Variants in NR3C2 observed in about 807,000 individuals in gnomAD.
The protein encoded by NR3C2 is nuclear receptor subfamily 3 group C member 2.
Under a neutral mutation model 86.4 loss-of-function variants are expected in NR3C2, and 15 were observed. The observed-to-expected ratio is 0.17, with a 90% CI of 0.12 to 0.27. The LOEUF is 0.27. Ranked by LOEUF, NR3C2 falls within the 10% of genes least tolerant of loss-of-function variation. The probability of loss-of-function intolerance (pLI) is 1.00; values close to 1 mark genes in which losing one functional copy is unlikely to be tolerated. For synonymous variants in NR3C2, 458 were observed against 450.5 expected, an observed-to-expected ratio of 1.02 and a Z score of -0.21; for missense variants, 960 against 1,195.6, an observed-to-expected ratio of 0.80 and a Z score of 2.91.
upstream of NR3C2, chr4:148,444,140 G>A (rs1750484440): frequency 1.0e-6 from 1 of 985,302 alleles, no homozygotes; most frequent in African/African-American, 1.7e-5. Context: ...GGAGCAAGGG[G>A]AGTCCCGGAC....
At chr4:148,189,889 C>T (rs1201292990) in intron 4 of NR3C2, among the ~76,000 whole-genome samples, 1 of 152,140 alleles carries the variant, frequency 6.6e-6, no homozygotes, top group Non-Finnish European at 1.5e-5. Flanking sequence ...TTAATATCTC[C>T]TATTTTGTTC....
chr4:148,150,884 C>T (rs554308898), intron 6 of NR3C2, among the ~76,000 whole-genome samples: 270 of 152,214 alleles, frequency 1.8e-3, no homozygotes, highest in Non-Finnish European at 3.3e-3. Flanking sequence ...ACATTGAAAA[C>T]ATTAGGCTAA....
intron 2 of NR3C2, among the ~76,000 whole-genome samples, chr4:148,268,613 T>C (rs114103083): frequency 2.1e-4 from 32 of 152,294 alleles, no homozygotes; most frequent in African/African-American, 7.7e-4. Flanking sequence ...TTGTTTGGGG[T>C]ACTGGTGCAA....
intron 2 of NR3C2, among the ~76,000 whole-genome samples, chr4:148,415,674 TGAAC>T (rs1748956648): frequency 6.6e-6 from 1 of 152,198 alleles, no homozygotes; most frequent in Non-Finnish European, 1.5e-5. Context: ...AGATCCTAAC[TGAAC>T]AAAATGCTCA....
At chr4:148,091,909 A>G (rs1318646282) in intron 8 of NR3C2, among the ~76,000 whole-genome samples, 2 of 152,158 alleles carry the variant, frequency 1.3e-5, no homozygotes, top group Non-Finnish European at 2.9e-5. Flanking sequence ...TTGGAACCCA[A>G]ACTACTATTC....
intron 8 of NR3C2, among the ~76,000 whole-genome samples, chr4:148,082,870 C>G (rs1238983281): frequency 6.6e-6 from 1 of 151,952 alleles, no homozygotes; most frequent in South Asian, 2.1e-4. Flanking sequence ...CCGGGATGCT[C>G]GAGCTTGGTG....
At chr4:148,363,367 C>T (rs1745937111) in intron 2 of NR3C2, among the ~76,000 whole-genome samples, 2 of 152,134 alleles carry the variant, frequency 1.3e-5, no homozygotes, top group Admixed American at 1.3e-4. Context: ...CACCTTCCTT[C>T]CATTTTTCAG....
chr4:148,399,322 T>C, intron 2 of NR3C2, among the ~76,000 whole-genome samples: 1 of 152,138 alleles, frequency 6.6e-6, no homozygotes, highest in East Asian at 1.9e-4. Context: ...ACTGTCATAA[T>C]TTACTATATT....
intron 7 of NR3C2, among the ~76,000 whole-genome samples, chr4:148,114,524 A>G (rs1732187470): frequency 6.6e-6 from 1 of 152,224 alleles, no homozygotes; most frequent in African/African-American, 2.4e-5. Context: ...CATAACTGTT[A>G]TATCATTCTC....
chr4:148,252,710 A>T (rs1739635005), intron 3 of NR3C2, among the ~76,000 whole-genome samples: 1 of 152,194 alleles, frequency 6.6e-6, no homozygotes, highest in Non-Finnish European at 1.5e-5. Context: ...GCTGAGTGCC[A>T]AATAAGTGGC....
At chr4:148,316,837 T>G (rs997958712) in intron 2 of NR3C2, among the ~76,000 whole-genome samples, 2 of 152,186 alleles carry the variant, frequency 1.3e-5, no homozygotes, top group African/African-American at 4.8e-5. Context: ...GCTCTCGCTC[T>G]GTTGCCCAGG....
chr4:148,206,675 TAAG>T (rs1737024929), intron 3 of NR3C2, among the ~76,000 whole-genome samples: 1 of 152,146 alleles, frequency 6.6e-6, no homozygotes, highest in African/African-American at 2.4e-5. Flanking sequence ...TAGAATCTGA[TAAG>T]AGAGTGGAAG....
At chr4:148,265,697 C>T (rs1740350056) in intron 2 of NR3C2, among the ~76,000 whole-genome samples, 1 of 152,126 alleles carries the variant, frequency 6.6e-6, no homozygotes, top group Non-Finnish European at 1.5e-5. Flanking sequence ...TCTGTTTTTC[C>T]ATATGTAATC....
intron 2 of NR3C2, among the ~76,000 whole-genome samples, chr4:148,429,020 C>G (rs961660673): frequency 6.6e-6 from 1 of 152,120 alleles, no homozygotes; most frequent in Non-Finnish European, 1.5e-5. Flanking sequence ...CACAGCCCAC[C>G]ACGCGGCTCA....
chr4:148,102,714 G>A (rs955902137), intron 8 of NR3C2, among the ~76,000 whole-genome samples: 13 of 152,148 alleles, frequency 8.5e-5, no homozygotes, highest in Admixed American at 3.3e-4. Flanking sequence ...TCTAGAATCT[G>A]TCAGACAGCA....
At chr4:148,290,356 G>C (rs1741739381) in intron 2 of NR3C2, among the ~76,000 whole-genome samples, 1 of 152,070 alleles carries the variant, frequency 6.6e-6, no homozygotes. Flanking sequence ...AAATTTGGTG[G>C]GGAGGGGGCA....
intron 8 of NR3C2, among the ~76,000 whole-genome samples, chr4:148,104,388 C>T (rs1468249092): frequency 6.8e-6 from 1 of 147,166 alleles, no homozygotes; most frequent in Non-Finnish European, 1.5e-5. Context: ...TCCCCTCTCC[C>T]TTGGTGTCTT....
At chr4:148,416,649 T>C (rs1472782157) in intron 2 of NR3C2, among the ~76,000 whole-genome samples, 1 of 152,220 alleles carries the variant, frequency 6.6e-6, no homozygotes, top group Non-Finnish European at 1.5e-5. Flanking sequence ...ATGCTCCCTA[T>C]CCACCATTTG....
chr4:148,425,415 G>A (rs1749478766), intron 2 of NR3C2, among the ~76,000 whole-genome samples: 1 of 152,168 alleles, frequency 6.6e-6, no homozygotes, highest in Non-Finnish European at 1.5e-5. Context: ...CTTTCAATAA[G>A]AAGATCAAGG....
Sources: allele counts gnomAD v4.1 joint callset (sites outside exome capture counted in the v4.1 genomes callset), GRCh38; gene constraint gnomAD v4.1.1; transcripts MANE v1.5; gene names NCBI Gene and HGNC (gene_info 2026-07-23, HGNC 2026-07-21).